The following ZNF793 variants were observed in gnomAD, a reference collection of about 807,000 sequenced individuals.
ZNF793 encodes the protein zinc finger protein 793.
In ZNF793, 5 loss-of-function variants were observed where a neutral mutation model predicts 12.4. That is an observed-to-expected ratio of 0.40 (90% CI 0.21 to 0.84). The LOEUF (loss-of-function observed/expected upper bound fraction) is 0.84, where lower values mean the gene tolerates loss of function less well. Ranked by LOEUF, ZNF793 falls within the 40% of genes least tolerant of loss-of-function variation. The probability of loss-of-function intolerance (pLI) is 0.35; values close to 1 mark genes in which losing one functional copy is unlikely to be tolerated. For synonymous variants in ZNF793, 162 were observed against 172.4 expected, an observed-to-expected ratio of 0.94 and a Z score of 0.47; for missense variants, 456 against 495.0, an observed-to-expected ratio of 0.92 and a Z score of 0.75.
In ZNF793 at chr19:37,537,792, G is replaced by T. The variant is rs1161835125; in HGVS notation, c.1134G>T (p.Gln378His). Reference sequence around the variant, plus strand: ...ATGAATGTGGGAAAGCTTTCTACCAGAAGCCAAACCTCAGCAGACATCAGA... The same window carrying T: ...ATGAATGTGGGAAAGCTTTCTACCATAAGCCAAACCTCAGCAGACATCAGA... ...GCNECGKAFY[Q>H]KPNLSRHQKI... The change falls in exon 8 of 8, where the codon CAG becomes CAT. Residue 378 changes from glutamine to histidine, a missense_variant. Coordinates refer to ENST00000627814, the MANE Select transcript of ZNF793 (RefSeq NM_001013659.3). 1 of 1,613,978 alleles carries T rather than the reference G, an allele frequency of 6.2e-7. No homozygotes were observed. Among genetic ancestry groups the T allele is most frequent in the Admixed American group, 1.7e-5 (1 of 59,998 alleles).
At position 37,508,292 on chromosome 19, in the gene ZNF793, C is replaced by T. The variant is rs1039016770; in HGVS notation, c.-387C>T. 1 of 152,128 alleles carries T rather than the reference C, an allele frequency of 6.6e-6. No individual in the cohort carries two copies. Among genetic ancestry groups the T allele is most frequent in the African/African-American group, 2.4e-5 (1 of 41,418 alleles). 9.4% of individuals were successfully genotyped at this position (152,128 alleles called of 1,614,324 possible). A position where few individuals can be genotyped will look rare whatever the true frequency, so the allele number is the denominator to read the frequency against. On this transcript the variant is annotated 5_prime_UTR_variant, in exon 2 of 8. It adds an upstream start codon to the 5' untranslated region. Transcript: ENST00000627814. ...TCTTTCTGGCAAAGGTAATGACATA[C>T]GCATCTGTGCCAGCATCCCAAGAGT...
chr19:37,535,968 A>G (rs1225612218), intron 7 of ZNF793: 1 of 152,984 alleles, frequency 6.5e-6, no homozygotes, highest in East Asian at 1.9e-4. Flanking sequence ...GAAAATAACA[A>G]TATTCACAAA....
In ZNF793 at chr19:37,533,206, C is replaced by A. The variant is rs2279150; in HGVS notation, c.143-102C>A. On this transcript the variant is annotated intron_variant, in intron 6 of 7. Coordinates refer to ENST00000627814, the MANE Select transcript of ZNF793 (RefSeq NM_001013659.3). ...TCTGGACAAGGTGTGTGTTTAGTCCCCTCCCAAGTATAACATCTATTGTGC... is the reference window on the plus strand; with the variant it reads ...TCTGGACAAGGTGTGTGTTTAGTCCACTCCCAAGTATAACATCTATTGTGC... The A allele has an allele frequency of 2.8e-4, 260 of 928,742 alleles. 2 individuals are homozygous for A. The highest frequency in any genetic ancestry group is 3.1e-4 in the Middle Eastern group (1 of 3,262). The allele number at this position is 928,742 out of a possible 1,614,324, so 57.5% of individuals were successfully genotyped here.
At chr19:37,514,931 A>G (rs2042319738) in intron 2 of ZNF793, among the ~76,000 whole-genome samples, 1 of 152,250 alleles carries the variant, frequency 6.6e-6, no homozygotes, top group South Asian at 2.1e-4. Flanking sequence ...AAAATTCAAC[A>G]TCTGTTCTGG....
intron 7 of ZNF793, 38 bp downstream of exon 7, chr19:37,533,441 AG>A: frequency 6.4e-7 from 1 of 1,574,444 alleles, no homozygotes; most frequent in Non-Finnish European, 8.7e-7. Context: ...GTACTGAAGG[AG>A]GCTGGCACCT....
At position 37,537,659 on chromosome 19, in the gene ZNF793, C is replaced by T. The variant is rs755995007; in HGVS notation, c.1001C>T (p.Thr334Ile). Residue 334 changes from threonine to isoleucine, a missense_variant, in exon 8 of 8, where the codon ACA becomes ATA. Physicochemically the swap from Thr to Ile is moderately conservative, Grantham distance 89. Transcript: ENST00000627814. ...CTCAATGTACATCGAAAAATGCACACAGGAGAAAGACCGTATCGTTGCAGA... is the reference window on the plus strand; with the variant it reads ...CTCAATGTACATCGAAAAATGCACATAGGAGAAAGACCGTATCGTTGCAGA... Reference protein sequence around the residue: ...SYLNVHRKMHTGERPYRCREC... With the variant: ...SYLNVHRKMHIGERPYRCREC... 3.1e-6 allele frequency: 5 copies of T among 1,613,560 alleles called. No homozygotes were observed. The highest frequency in any genetic ancestry group is 4.2e-6 in the Non-Finnish European group (5 of 1,179,726).
rs889947086 is a variant in ZNF793, at chr19:37,540,513, A to C, written c.*2634A>C. 1.3e-4 allele frequency: 20 copies of C among 151,488 alleles called. No homozygotes were observed. Among genetic ancestry groups the C allele is most frequent in the African/African-American group, 4.8e-4 (20 of 41,352 alleles). 9.4% of individuals were successfully genotyped at this position (151,488 alleles called of 1,614,324 possible). A position where few individuals can be genotyped will look rare whatever the true frequency, so the allele number is the denominator to read the frequency against. Reference sequence around the variant, plus strand: ...GAGAAGGCATTTCATAGAATGTGTTAATTTACATTGTAATAGATGGGAACC... The same window carrying C: ...GAGAAGGCATTTCATAGAATGTGTTCATTTACATTGTAATAGATGGGAACC... On this transcript the variant is annotated 3_prime_UTR_variant, in exon 8 of 8. Transcript: ENST00000627814.
intron 5 of ZNF793, among the ~76,000 whole-genome samples, chr19:37,528,783 C>A (rs763047609): frequency 1.1e-4 from 16 of 152,180 alleles, no homozygotes; most frequent in Non-Finnish European, 2.1e-4. Context: ...TCAGACTATT[C>A]CTCCTTTGGA....
intron 7 of ZNF793, chr19:37,533,878 C>G (rs958405868): frequency 4.2e-6 from 1 of 237,634 alleles, no homozygotes; most frequent in Non-Finnish European, 8.1e-6. Context: ...CCCATCTTAA[C>G]CACTGCTGAT....
rs2042540835 is a variant in ZNF793, at chr19:37,539,996, ACTT to A, written c.*2120_*2122del. ...AAATACAGATAGTTGAAAAAAGAAA[ACTT>A]CTGCTGGGTGCGGTGGCTCACGCCT... On this transcript the variant is annotated 3_prime_UTR_variant, in exon 8 of 8. Transcript: ENST00000627814. 2 of 152,104 alleles carry A rather than the reference ACTT, an allele frequency of 1.3e-5. No homozygotes were observed. The highest frequency in any genetic ancestry group is 4.8e-5 in the African/African-American group (2 of 41,434). 9.4% of individuals were successfully genotyped at this position (152,104 alleles called of 1,614,324 possible). A position where few individuals can be genotyped will look rare whatever the true frequency, so the allele number is the denominator to read the frequency against.
chr19:37,536,446 CTTCT>C (rs2042505448), intron 7 of ZNF793: 1 of 403,992 alleles, frequency 2.5e-6, no homozygotes, highest in Non-Finnish European at 4.4e-6. Context: ...AACATTTAAC[CTTCT>C]TTCTTCTGTA....
At position 37,537,431 on chromosome 19, in the gene ZNF793, C is replaced by G. The variant is rs1188145598; in HGVS notation, c.773C>G (p.Thr258Ser). 1.9e-6 allele frequency: 3 copies of G among 1,613,374 alleles called. No homozygotes were observed. The highest frequency in any genetic ancestry group is 1.7e-5 in the Admixed American group (1 of 59,914). ...ACTGGGGAGAAGCCTTATGGCTGCA[C>G]TGACTGTGGGAAAGCCTTTTCACAT... ...SHTGEKPYGC[T>S]DCGKAFSHKS... Residue 258 changes from threonine to serine, a missense_variant, in exon 8 of 8, where the codon ACT (threonine) becomes AGT (serine). By Grantham distance (58) the Thr-to-Ser change is moderately conservative. Coordinates refer to ENST00000627814, the MANE Select transcript of ZNF793 (RefSeq NM_001013659.3).
intron 5 of ZNF793, among the ~76,000 whole-genome samples, chr19:37,524,008 G>A (rs2042394338): frequency 6.6e-6 from 1 of 151,850 alleles, no homozygotes. Flanking sequence ...AAATTAGTTG[G>A]GCATGGTGGT....
chr19:37,524,080 G>A (rs2042394911), intron 5 of ZNF793, among the ~76,000 whole-genome samples: 1 of 151,584 alleles, frequency 6.6e-6, no homozygotes, highest in African/African-American at 2.4e-5. Flanking sequence ...AACCTGGGAG[G>A]TGGAGGTTGC....
In ZNF793 at chr19:37,523,430, A is replaced by G; in HGVS notation, c.-10A>G. The G allele has an allele frequency of 6.2e-7, 1 of 1,613,574 alleles. No homozygotes were observed. Among genetic ancestry groups the G allele is most frequent in the African/African-American group, 1.3e-5 (1 of 75,028 alleles). On this transcript the variant is annotated 5_prime_UTR_variant, in exon 5 of 8. Coordinates refer to ENST00000627814, the MANE Select transcript of ZNF793 (RefSeq NM_001013659.3). The stretch of plus-strand genomic sequence containing the variant: ...TACAGGTGTCAGATCTTTTTCAAGA[A>G]CAGCAGAAAATGATCGAATACCAGG...
At chr19:37,518,798 GA>G (rs200459156) in intron 2 of ZNF793, among the ~76,000 whole-genome samples, 6 of 131,560 alleles carry the variant, frequency 4.6e-5, no homozygotes, top group Non-Finnish European at 6.6e-5. Flanking sequence ...AATAGATAAT[GA>G]AAAAAAAATA....
rs115643602 is a variant in ZNF793 at position 37,517,132 on chromosome 19, G to C, written c.-275-3052G>C. Among the ~76,000 whole-genome samples the C allele has an allele frequency of 9.8e-3, 1,499 of 152,302 alleles. 24 individuals are homozygous for C. Among genetic ancestry groups the C allele is most frequent in the African/African-American group, 0.035 (1,436 of 41,546 alleles). On this transcript the variant is annotated intron_variant, in intron 2 of 7. Coordinates refer to ENST00000627814, the MANE Select transcript of ZNF793 (RefSeq NM_001013659.3). ...TCTGCCACACTTGGCTCTGTGTGCA[G>C]ATGGGCATCCCCAGTAGGAAAAAAT... is the stretch of plus-strand genomic sequence containing the variant.
intron 3 of ZNF793, among the ~76,000 whole-genome samples, chr19:37,522,302 A>T (rs2042382275): frequency 6.6e-6 from 1 of 152,100 alleles, no homozygotes; most frequent in Admixed American, 6.5e-5. Context: ...GGTTCAAATG[A>T]TTCTCCTGCC....
At chr19:37,513,298 A>G (rs1232912860) in intron 2 of ZNF793, among the ~76,000 whole-genome samples, 1 of 152,208 alleles carries the variant, frequency 6.6e-6, no homozygotes, top group African/African-American at 2.4e-5. Context: ...TGACTCAATT[A>G]CTTCTAATTA....
Sources: allele counts gnomAD v4.1 joint callset (sites outside exome capture counted in the v4.1 genomes callset), GRCh38; gene constraint gnomAD v4.1.1; transcripts MANE v1.5; gene names NCBI Gene and HGNC (gene_info 2026-07-23, HGNC 2026-07-21).